The following RABEP1 variants were observed in gnomAD, a reference collection of about 807,000 sequenced individuals.
RABEP1 encodes rab GTPase-binding effector protein 1.
Under a neutral mutation model 123.4 loss-of-function variants are expected in RABEP1, and 51 were observed. The ratio of observed to expected loss-of-function variants is 0.41; its 90% CI spans 0.33 to 0.52. The LOEUF (loss-of-function observed/expected upper bound fraction) is 0.52. RABEP1 is among the 20% of genes least tolerant of loss of function. RABEP1 has a pLI of 0.16. For missense variants in RABEP1, 888 were observed against 996.3 expected (o/e 0.89, Z 1.46); for synonymous variants, 347 against 355.2 (o/e 0.98, Z 0.26).
intron 1 of RABEP1, among the ~76,000 whole-genome samples, chr17:5,302,649 A>G (rs1296367922): frequency 2.1e-5 from 3 of 145,014 alleles, no homozygotes; most frequent in African/African-American, 5.2e-5. Context: ...TGCAGCCTCA[A>G]CCTCCCAGGC....
chr17:5,319,962 A>G (rs1201359035), intron 2 of RABEP1, among the ~76,000 whole-genome samples: 4 of 152,226 alleles, frequency 2.6e-5, no homozygotes, highest in African/African-American at 9.6e-5. Flanking sequence ...TAGAAAGCTT[A>G]TTCAAAGAAA....
Position 5,384,758 on chromosome 17 carries a change from A to G in RABEP1, c.*1535A>G, listed in dbSNP as rs897408914. 3 of 181,808 alleles carry G rather than the reference A, an allele frequency of 1.7e-5. No individual in the cohort carries two copies. The highest frequency in any genetic ancestry group is 3.1e-5 in the Non-Finnish European group (3 of 95,862). 11.3% of individuals were successfully genotyped at this position (181,808 alleles called of 1,614,324 possible). ...TAGTACTAAAGGCTTGCCGCACATGAAACATTATTTTAATTGGTTTAAAGT... is the reference window on the plus strand; with the variant it reads ...TAGTACTAAAGGCTTGCCGCACATGGAACATTATTTTAATTGGTTTAAAGT... On this transcript the variant is annotated 3_prime_UTR_variant, in exon 18 of 18. Transcript: ENST00000537505.
At position 5,377,269 on chromosome 17, in the gene RABEP1, C is replaced by A; in HGVS notation, c.2179C>A (p.Leu727Met). The change falls in exon 14 of 18, where the codon CTG becomes ATG. Residue 727 changes from leucine to methionine, a missense_variant. Coordinates refer to ENST00000537505, the MANE Select transcript of RABEP1 (RefSeq NM_004703.6). ...QCLKENLEET[L>M]QLEIENCKEE... is the part of the protein sequence containing the mutation. ...TTTAAAAGAAAATCTTGAAGAAACTCTGCAACTAGAAATAGAAAACTGCAA... is the reference window on the plus strand; with the variant it reads ...TTTAAAAGAAAATCTTGAAGAAACTATGCAACTAGAAATAGAAAACTGCAA... The A allele has an allele frequency of 6.3e-7, 1 of 1,590,152 alleles. No individual in the cohort carries two copies. The highest frequency in any genetic ancestry group is 8.5e-7 in the Non-Finnish European group (1 of 1,174,368).
chr17:5,365,781 G>A (rs900127195), intron 11 of RABEP1, among the ~76,000 whole-genome samples: 1 of 152,180 alleles, frequency 6.6e-6, no homozygotes, highest in Non-Finnish European at 1.5e-5. Flanking sequence ...GAAGCCATAC[G>A]TTCTGTGTTC....
chr17:5,303,835 C>A (rs1336529203), intron 1 of RABEP1, among the ~76,000 whole-genome samples: 4 of 151,952 alleles, frequency 2.6e-5, no homozygotes, highest in Non-Finnish European at 5.9e-5. Flanking sequence ...GAGTTTGAGA[C>A]CAGCCTGGCC....
In RABEP1 at chr17:5,377,314, A is replaced by T; in HGVS notation, c.2215+9A>T. ...CTGCAAGGAGGAAATAGGTGAAGAT[A>T]AAAGTGATGTAGTTTAGAATTAGAG... On this transcript the variant is annotated intron_variant, in intron 14 of 17. Transcript: ENST00000537505. 2 of 1,571,158 alleles carry T rather than the reference A, an allele frequency of 1.3e-6. No homozygotes were observed. Among genetic ancestry groups the T allele is most frequent in the East Asian group, 2.3e-5 (1 of 44,410 alleles).
At chr17:5,370,301 C>T (rs748061836) in intron 12 of RABEP1, among the ~76,000 whole-genome samples, 4 of 152,130 alleles carry the variant, frequency 2.6e-5, no homozygotes, top group Admixed American at 6.5e-5. Context: ...ACATGACAGT[C>T]GTAAGTATTT....
chr17:5,311,697 C>CAAAAAAAATAAA (rs2075242958), intron 2 of RABEP1, among the ~76,000 whole-genome samples: 1 of 70,868 alleles, frequency 1.4e-5, no homozygotes, highest in Non-Finnish European at 2.4e-5. Context: ...GACTTCATCT[C>CAAAAAAAATAAA]AAAAAAAAAA....
At chr17:5,320,578 G>C (rs1299643290) in intron 2 of RABEP1, among the ~76,000 whole-genome samples, 1 of 152,178 alleles carries the variant, frequency 6.6e-6, no homozygotes, top group East Asian at 1.9e-4. Context: ...CCTATTCAGA[G>C]ATAGGTAATG....
rs1347830728 is a variant in RABEP1 at position 5,282,565 on chromosome 17, G to C, written c.34+45G>C. The C allele has an allele frequency of 4.4e-6, 5 of 1,126,888 alleles. No homozygotes were observed. In the East Asian group the frequency reaches 1.9e-4, roughly 42 times the overall value. 69.8% of individuals were successfully genotyped at this position (1,126,888 alleles called of 1,614,324 possible). On this transcript the variant is annotated intron_variant, in intron 1 of 17. Coordinates refer to ENST00000537505, the MANE Select transcript of RABEP1 (RefSeq NM_004703.6). ...AGGCGCGGCGGGCGCGGCCTGCCCG[G>C]CGTCGGCGTCGCGGGAGGATTTCGG...
chr17:5,313,557 C>T lies in RABEP1; in HGVS notation c.163+4735C>T, dbSNP rs559415464. Among the ~76,000 whole-genome samples the T allele has an allele frequency of 1.6e-4, 25 of 152,284 alleles. No individual in the cohort carries two copies. The South Asian group carries it at 4.4e-3, about 27-fold the overall frequency. On this transcript the variant is annotated intron_variant, in intron 2 of 17. Coordinates refer to ENST00000537505, the MANE Select transcript of RABEP1 (RefSeq NM_004703.6). ...GAAATGAAAATGACTAAGAACCTCC[C>T]ATTTCTGAAATGCATTATCAACTGC... is the stretch of plus-strand genomic sequence containing the variant.
intron 2 of RABEP1, among the ~76,000 whole-genome samples, chr17:5,324,840 A>G (rs952696251): frequency 2.6e-5 from 4 of 152,214 alleles, no homozygotes; most frequent in Admixed American, 6.5e-5. Flanking sequence ...CAAAACTACA[A>G]TGGGATATCC....
chr17:5,306,970 T>C (rs2075184861), intron 1 of RABEP1, among the ~76,000 whole-genome samples: 1 of 152,164 alleles, frequency 6.6e-6, no homozygotes. Context: ...ACCATCTGTG[T>C]TGGTTTTAGT....
At chr17:5,320,439 A>AAAAG (rs1356153738) in intron 2 of RABEP1, among the ~76,000 whole-genome samples, 9,683 of 126,050 alleles carry the variant, frequency 0.077, 232 homozygotes, top group East Asian at 0.1. Context: ...AAAAAAAAAA[A>AAAAG]AAAAAGAAAA....
Position 5,365,179 on chromosome 17 carries a change from A to C in RABEP1, c.1726A>C (p.Lys576Gln). 2 of 1,611,782 alleles carry C rather than the reference A, an allele frequency of 1.2e-6. No individual in the cohort carries two copies. The highest frequency in any genetic ancestry group is 1.7e-6 in the Non-Finnish European group (2 of 1,179,100). ...TAATGACCAGTTAGAGAAGACAATG[A>C]AAGATAAGCAGGAGCTGGAAGACTT... ...QANDQLEKTM[K>Q]DKQELEDFIK... The change falls in exon 11 of 18, where the codon AAA becomes CAA. Residue 576 changes from lysine to glutamine, a missense_variant. Physicochemically the swap from Lys to Gln is moderately conservative, Grantham distance 53 (BLOSUM62 1). Transcript: ENST00000537505.
At chr17:5,377,076 ACT>A in intron 13 of RABEP1, 38 bp from the exon 14 acceptor site, 1 of 1,530,188 alleles carries the variant, frequency 6.5e-7, no homozygotes, top group Non-Finnish European at 8.8e-7. Context: ...ATTTCCTTTC[ACT>A]CTCACAAACC....
At chr17:5,323,433 A>T (rs1233081009) in intron 2 of RABEP1, among the ~76,000 whole-genome samples, 1 of 152,188 alleles carries the variant, frequency 6.6e-6, no homozygotes, top group African/African-American at 2.4e-5. Flanking sequence ...CAGATGACAC[A>T]GTCTTATATT....
At chr17:5,331,405 A>G (rs189660769) in intron 2 of RABEP1, among the ~76,000 whole-genome samples, 12 of 152,294 alleles carry the variant, frequency 7.9e-5, no homozygotes, top group Admixed American at 7.2e-4. Context: ...TTGGCCAAAC[A>G]TATGTTCTGC....
intron 4 of RABEP1, chr17:5,336,838 T>TAAGG: frequency 5.9e-6 from 1 of 170,286 alleles, no homozygotes; most frequent in Non-Finnish European, 1.3e-5. Flanking sequence ...TGGCTTTGTG[T>TAAGG]AAGGACCTGA....
Sources: gnomAD v4.1 joint callset for allele counts (sites outside exome capture counted in the v4.1 genomes callset) on GRCh38, gnomAD v4.1.1 for gene constraint, MANE v1.5 for transcripts, NCBI Gene and HGNC (gene_info 2026-07-23, HGNC 2026-07-21) for gene names.